CHCHD6: variants seen among roughly 807,000 people sequenced by gnomAD.
The protein encoded by CHCHD6 is coiled-coil-helix-coiled-coil-helix domain containing 6.
CHCHD6 carries 28 observed loss-of-function variants against 32.3 expected under a neutral mutation model. That is an observed-to-expected ratio of 0.87 (90% CI 0.64 to 1.19). The LOEUF is 1.19. Ranked by LOEUF, CHCHD6 falls within the 50% of genes most tolerant of loss-of-function variation. CHCHD6 has a pLI of 0.00. For missense variants in CHCHD6, 333 were observed against 307.0 expected, an observed-to-expected ratio of 1.08 and a Z score of -0.63; for synonymous variants, 122 against 117.5, an observed-to-expected ratio of 1.04 and a Z score of -0.25.
intron 1 of CHCHD6, among the ~76,000 whole-genome samples, chr3:126,717,081 G>A (rs1051223806): frequency 7.9e-5 from 12 of 152,154 alleles, no homozygotes; most frequent in Admixed American, 2.6e-4. Context: ...CACGCAGGCC[G>A]GGGTCAGGCG....
intron 1 of CHCHD6, among the ~76,000 whole-genome samples, chr3:126,724,356 C>T (rs1935440714): frequency 6.6e-6 from 1 of 152,180 alleles, no homozygotes; most frequent in South Asian, 2.1e-4. Flanking sequence ...TTTTTGGTTT[C>T]CTAGTGTATA....
chr3:126,928,286 G>T (rs915572593), intron 6 of CHCHD6, among the ~76,000 whole-genome samples: 4 of 152,232 alleles, frequency 2.6e-5, no homozygotes, highest in Non-Finnish European at 5.9e-5. Flanking sequence ...ACCAGACCTT[G>T]AAGTTTAAAG....
At chr3:126,755,838 ATGTGTG>A (rs58430251) in intron 4 of CHCHD6, among the ~76,000 whole-genome samples, 42 of 145,964 alleles carry the variant, frequency 2.9e-4, no homozygotes, top group South Asian at 1.1e-3. Flanking sequence ...CTGTGTGTGC[ATGTGTG>A]TGTGTGTGTG....
At chr3:126,820,016 C>T (rs1940082481) in intron 4 of CHCHD6, among the ~76,000 whole-genome samples, 1 of 152,178 alleles carries the variant, frequency 6.6e-6, no homozygotes, top group Non-Finnish European at 1.5e-5. Flanking sequence ...GGGTTCAAAT[C>T]TCAGCTCTGC....
chr3:126,840,641 G>A (rs992843281), intron 4 of CHCHD6, among the ~76,000 whole-genome samples: 1 of 151,932 alleles, frequency 6.6e-6, no homozygotes, highest in African/African-American at 2.4e-5. Flanking sequence ...ATCTAATATG[G>A]TCATGGATAG....
intron 6 of CHCHD6, among the ~76,000 whole-genome samples, chr3:126,940,943 C>G (rs1411067384): frequency 1.3e-5 from 2 of 151,928 alleles, no homozygotes; most frequent in Non-Finnish European, 2.9e-5. Context: ...TGTTATTAAT[C>G]TTTTATCATT....
intron 5 of CHCHD6, among the ~76,000 whole-genome samples, chr3:126,869,288 C>CTTTTTT (rs58408227): frequency 1.5e-4 from 16 of 108,670 alleles, no homozygotes; most frequent in African/African-American, 3.2e-4. Context: ...CACCAGTCTC[C>CTTTTTT]TTTTTTTTTT....
chr3:126,833,883 G>A (rs1399686320), intron 4 of CHCHD6, among the ~76,000 whole-genome samples: 3 of 151,238 alleles, frequency 2.0e-5, no homozygotes, highest in Admixed American at 6.6e-5. Context: ...GTGAAACCCC[G>A]TCTCTACTAA....
intron 1 of CHCHD6, among the ~76,000 whole-genome samples, chr3:126,721,716 C>G (rs1935304221): frequency 8.3e-6 from 1 of 120,026 alleles, no homozygotes; most frequent in South Asian, 3.4e-4. Context: ...CACCCCCCAC[C>G]CTCCCCACCA....
chr3:126,931,529 C>A (rs962496212), intron 6 of CHCHD6, among the ~76,000 whole-genome samples: 1 of 152,164 alleles, frequency 6.6e-6, no homozygotes, highest in Non-Finnish European at 1.5e-5. Context: ...GCGACTGACA[C>A]GGAGCCCAGG....
chr3:126,727,089 CGTG>C lies in CHCHD6; in HGVS notation c.103_105del (p.Val35del), dbSNP rs923206850. On this transcript the variant is annotated inframe_deletion, in exon 2 of 8. Coordinates refer to ENST00000290913, the MANE Select transcript of CHCHD6 (RefSeq NM_032343.3). Reference sequence around the variant, plus strand: ...TTCTGCTTCCTTAGCTGTCTGAAAACGTGGTGAACCGCATGAAGGAGCCCAGCT... The same window carrying C: ...TTCTGCTTCCTTAGCTGTCTGAAAACGTGAACCGCATGAAGGAGCCCAGCT... 41 of 1,613,132 alleles carry C rather than the reference CGTG, an allele frequency of 2.5e-5. No homozygotes were observed. Among genetic ancestry groups the C allele is most frequent in the Non-Finnish European group, 3.2e-5 (38 of 1,179,282 alleles).
At chr3:126,805,781 A>G (rs952727990) in intron 4 of CHCHD6, among the ~76,000 whole-genome samples, 8 of 152,230 alleles carry the variant, frequency 5.3e-5, no homozygotes, top group Admixed American at 1.3e-4. Context: ...TGGAGGCATC[A>G]CGCTACCTGA....
chr3:126,913,914 G>T (rs911987274), intron 5 of CHCHD6, among the ~76,000 whole-genome samples: 2 of 152,250 alleles, frequency 1.3e-5, no homozygotes, highest in Non-Finnish European at 2.9e-5. Flanking sequence ...CACGGTGGTG[G>T]CATCAGGGCT....
At chr3:126,952,928 G>T (rs532906939) in intron 6 of CHCHD6, 1 of 980,618 alleles carries the variant, frequency 1.0e-6, no homozygotes, top group Non-Finnish European at 1.2e-6. Context: ...CAGGACCCAT[G>T]TGCCTTGTCT....
chr3:126,833,788 G>C (rs963324688), intron 4 of CHCHD6, among the ~76,000 whole-genome samples: 26 of 152,158 alleles, frequency 1.7e-4, no homozygotes, highest in Non-Finnish European at 3.5e-4. Flanking sequence ...GGGCGCGGTG[G>C]CTCACGCCTG....
intron 6 of CHCHD6, among the ~76,000 whole-genome samples, chr3:126,948,398 C>T (rs904435589): frequency 7.9e-5 from 12 of 152,200 alleles, no homozygotes; most frequent in Non-Finnish European, 1.5e-4. Context: ...GCACACACAT[C>T]GCTCTACTGT....
intron 4 of CHCHD6, among the ~76,000 whole-genome samples, chr3:126,833,934 G>A (rs1334880245): frequency 6.7e-6 from 1 of 149,756 alleles, no homozygotes; most frequent in African/African-American, 2.4e-5. Context: ...GGCGCCTGTA[G>A]TCCTAGCTAC....
intron 4 of CHCHD6, among the ~76,000 whole-genome samples, chr3:126,806,751 A>G (rs1187755632): frequency 6.6e-6 from 1 of 152,136 alleles, no homozygotes; most frequent in Non-Finnish European, 1.5e-5. Flanking sequence ...ATGCACATGT[A>G]TGTTTATTGC....
chr3:126,832,371 G>A (rs574963343), intron 4 of CHCHD6, among the ~76,000 whole-genome samples: 1 of 152,048 alleles, frequency 6.6e-6, no homozygotes, highest in Non-Finnish European at 1.5e-5. Context: ...GGTGTCCATG[G>A]TTCAGCAATG....
Sources: allele counts gnomAD v4.1 joint callset (sites outside exome capture counted in the v4.1 genomes callset), GRCh38; gene constraint gnomAD v4.1.1; transcripts MANE v1.5; gene names NCBI Gene and HGNC (gene_info 2026-07-23, HGNC 2026-07-21).